Variants in ZNF521 observed in about 807,000 individuals in gnomAD.
The protein encoded by ZNF521 is LYST-interacting protein 3.
In ZNF521, 14 loss-of-function variants were observed where a neutral mutation model predicts 105.5. The ratio of observed to expected loss-of-function variants is 0.13; its 90% CI spans 0.09 to 0.21. The LOEUF (loss-of-function observed/expected upper bound fraction) is 0.21. Among genes scored for constraint, ZNF521 ranks in the 10% least tolerant of loss-of-function variants. The pLI is 1.00. For synonymous variants in ZNF521, 635 were observed against 606.0 expected (o/e 1.05, Z -0.70); for missense variants, 1,233 against 1,629.7 (o/e 0.76, Z 4.19).
chr18:25,337,882 A>G (rs1310693122), intron 2 of ZNF521, among the ~76,000 whole-genome samples: 1 of 152,198 alleles, frequency 6.6e-6, no homozygotes, highest in East Asian at 1.9e-4. Context: ...ACTAGACAAC[A>G]GCCCATCATA....
At chr18:25,266,593 C>T (rs774382409) in intron 3 of ZNF521, among the ~76,000 whole-genome samples, 3 of 152,030 alleles carry the variant, frequency 2.0e-5, no homozygotes, top group South Asian at 4.1e-4. Context: ...GTGCAGCCGA[C>T]GGAGGGCAAG....
At chr18:25,203,702 GCTTCTGGCCAACTGA>G (rs2036031134) in intron 4 of ZNF521, among the ~76,000 whole-genome samples, 1 of 152,174 alleles carries the variant, frequency 6.6e-6, no homozygotes, top group Admixed American at 6.5e-5. Flanking sequence ...TTAGAAGATT[GCTTCTGGCCAACTGA>G]CTAGACAAGA....
In ZNF521 at chr18:25,226,726, T is replaced by G. The variant is rs889102687; in HGVS notation, c.1192A>C (p.Ser398Arg). 1 of 1,614,190 alleles carries G rather than the reference T, an allele frequency of 6.2e-7. No homozygotes were observed. The highest frequency in any genetic ancestry group is 8.5e-7 in the Non-Finnish European group (1 of 1,180,024). Residue 398 changes from serine (S) to arginine (R), a missense_variant, in exon 4 of 8, where the codon AGT (serine) becomes CGT (arginine). This residue lies in a region of ZNF521 where 380 missense variants were observed against 478.0 expected (regional missense o/e 0.80). Transcript: ENST00000361524. This position sits in a 1 kb window ranked among gnomAD's most constrained non-coding sequence, Gnocchi z 4.1. ...QQTPDMTGPSSKQAKVTYSCI... is the reference protein window; with the variant it reads ...QQTPDMTGPSRKQAKVTYSCI... ...CTGTAGGTAACTTTTGCTTGTTTAC[T>G]CGAGGGACCAGTCATGTCAGGGGTT...
chr18:25,341,577 T>A (rs753286293), intron 2 of ZNF521, among the ~76,000 whole-genome samples: 49 of 152,206 alleles, frequency 3.2e-4, no homozygotes, highest in Non-Finnish European at 6.0e-4. Context: ...TGTGCTTAGT[T>A]GTTTCAGTTC....
chr18:25,227,183 A>G lies in ZNF521; in HGVS notation c.735T>C (p.Thr245=). 1 of 1,614,100 alleles carries G rather than the reference A, an allele frequency of 6.2e-7. No individual in the cohort carries two copies. The highest frequency in any genetic ancestry group is 8.5e-7 in the Non-Finnish European group (1 of 1,180,008). Residue 245 remains threonine, a synonymous_variant, in exon 4 of 8, where the codon ACT becomes ACC. Transcript: ENST00000361524. This position sits in a 1 kb window ranked among gnomAD's most constrained non-coding sequence, Gnocchi z 5.7. ...SRMEDWKMKD[T]QKCSQCEEGF... Reference sequence around the variant, plus strand: ...CTTCCTCACACTGACTGCACTTCTGAGTGTCCTTCATCTTCCAGTCCTCCA... The same window carrying G: ...CTTCCTCACACTGACTGCACTTCTGGGTGTCCTTCATCTTCCAGTCCTCCA...
intron 7 of ZNF521, among the ~76,000 whole-genome samples, chr18:25,086,631 C>T (rs546773162): frequency 3.3e-5 from 5 of 152,210 alleles, no homozygotes; most frequent in East Asian, 1.9e-4. Flanking sequence ...CACATACTCA[C>T]CATAAATACT....
intron 3 of ZNF521, among the ~76,000 whole-genome samples, chr18:25,261,476 TC>T (rs1292320289): frequency 1.3e-5 from 2 of 152,134 alleles, no homozygotes; most frequent in African/African-American, 4.8e-5. Context: ...GGTGAATGAG[TC>T]CATCTTCCCA....
At chr18:25,250,194 T>C (rs1018643576) in intron 3 of ZNF521, among the ~76,000 whole-genome samples, 42 of 152,150 alleles carry the variant, frequency 2.8e-4, no homozygotes, top group African/African-American at 9.9e-4. Context: ...CAATGAAAAA[T>C]GTAAAATCAT....
chr18:25,129,029 A>G (rs1189204392), intron 5 of ZNF521, among the ~76,000 whole-genome samples: 1 of 151,886 alleles, frequency 6.6e-6, no homozygotes, highest in Non-Finnish European at 1.5e-5. Context: ...CAGAGAACTA[A>G]TGCCACTCAA....
rs557988223 is a variant in ZNF521, at chr18:25,110,823, A to T, written c.3659-18742T>A. On this transcript the variant is annotated intron_variant, in intron 5 of 7. Coordinates refer to ENST00000361524, the MANE Select transcript of ZNF521 (RefSeq NM_015461.3). ...TCACCCAGGCTGGAGTGCAGGGTACAATCTTAGCTCACTACAACCTCCTCC... is the reference window on the plus strand; with the variant it reads ...TCACCCAGGCTGGAGTGCAGGGTACTATCTTAGCTCACTACAACCTCCTCC... 3.9e-4 allele frequency among the ~76,000 whole-genome samples: 59 copies of T among 151,910 alleles called. 2 individuals carry two copies. In the South Asian group the frequency reaches 0.012, roughly 32 times the overall value.
chr18:25,165,265 A>G (rs1317944444), intron 5 of ZNF521, among the ~76,000 whole-genome samples: 1 of 152,192 alleles, frequency 6.6e-6, no homozygotes, highest in East Asian at 1.9e-4. Context: ...GAGCATGCCC[A>G]TAACTCTGAC....
At chr18:25,257,586 G>A (rs890028912) in intron 3 of ZNF521, among the ~76,000 whole-genome samples, 2 of 152,164 alleles carry the variant, frequency 1.3e-5, no homozygotes, top group Non-Finnish European at 2.9e-5. Context: ...ATTCGTAAGC[G>A]ATATTCCCTG....
chr18:25,065,169 G>C (rs1166258486), intron 7 of ZNF521, among the ~76,000 whole-genome samples: 1 of 152,078 alleles, frequency 6.6e-6, no homozygotes, highest in South Asian at 2.1e-4. Flanking sequence ...TTTATAGAAA[G>C]GTTTTTTATT....
intron 4 of ZNF521, among the ~76,000 whole-genome samples, chr18:25,220,340 G>A (rs1905631500): frequency 6.6e-6 from 1 of 152,196 alleles, no homozygotes; most frequent in Non-Finnish European, 1.5e-5. Flanking sequence ...GAATGCAGAA[G>A]ATCCTGGGCA....
rs750861569 is a variant in ZNF521, at chr18:25,224,522, C to A, written c.3396G>T (p.Lys1132Asn). 1 of 1,614,050 alleles carries A rather than the reference C, an allele frequency of 6.2e-7. No homozygotes were observed. Residue 1132 changes from lysine to asparagine, a missense_variant, in exon 4 of 8, where the codon AAG becomes AAT. Coordinates refer to ENST00000361524, the MANE Select transcript of ZNF521 (RefSeq NM_015461.3). Reference protein sequence around the residue: ...ENLSAIEGKGKVGGLKTRCSS... With the variant: ...ENLSAIEGKGNVGGLKTRCSS... ...AGCAGCGTGTCTTCAGTCCCCCCAC[C>A]TTGCCTTTCCCCTCAATGGCACTCA...
chr18:25,189,005 C>CA (rs1332125698), intron 5 of ZNF521, among the ~76,000 whole-genome samples: 3 of 152,156 alleles, frequency 2.0e-5, no homozygotes, highest in Non-Finnish European at 4.4e-5. Flanking sequence ...TCTTGTAAAT[C>CA]AAAGCTGCTA....
chr18:25,135,789 G>A (rs2034723632), intron 5 of ZNF521, among the ~76,000 whole-genome samples: 1 of 152,108 alleles, frequency 6.6e-6, no homozygotes, highest in Non-Finnish European at 1.5e-5. Flanking sequence ...TTATTAAAGG[G>A]AAAGGCAGCT....
chr18:25,103,244 A>G (rs933543197), intron 5 of ZNF521, among the ~76,000 whole-genome samples: 1 of 152,088 alleles, frequency 6.6e-6, no homozygotes, highest in African/African-American at 2.4e-5. Context: ...CGATTATACA[A>G]CCTGTGATGG....
At chr18:25,143,182 C>T (rs1048592986) in intron 5 of ZNF521, among the ~76,000 whole-genome samples, 1 of 152,080 alleles carries the variant, frequency 6.6e-6, no homozygotes, top group African/African-American at 2.4e-5. Context: ...GCATTTTGAA[C>T]ATAGTATCAA....
Sources: gnomAD v4.1 joint callset for allele counts (sites outside exome capture counted in the v4.1 genomes callset) on GRCh38, gnomAD v4.1.1 for gene constraint, gnomAD v4.1.1 regional missense constraint, Gnocchi (gnomAD v3.1) non-coding constraint, MANE v1.5 for transcripts, NCBI Gene and HGNC (gene_info 2026-07-23, HGNC 2026-07-21) for gene names.